The following ZC2HC1B variants were observed in gnomAD, a reference collection of about 807,000 sequenced individuals.
The protein encoded by ZC2HC1B is zinc finger C2HC domain-containing protein 1B.
ZC2HC1B carries 36 observed loss-of-function variants against 31.0 expected under a neutral mutation model. The ratio of observed to expected loss-of-function variants is 1.16; its 90% confidence interval spans 0.89 to 1.54. The LOEUF (loss-of-function observed/expected upper bound fraction) is 1.54. Ranked by LOEUF, ZC2HC1B falls within the 40% of genes most tolerant of loss-of-function variation. ZC2HC1B has a pLI of 0.00. For missense variants in ZC2HC1B, 260 were observed against 268.6 expected (o/e 0.97, Z 0.22); for synonymous variants, 73 against 88.0 (o/e 0.83, Z 0.95).
Position 143,871,570 on chromosome 6 carries a change from ACT to A in ZC2HC1B, c.28+7007_28+7008del, listed in dbSNP as rs1329967197. Among the ~76,000 whole-genome samples, 7 of 152,066 alleles carry A rather than the reference ACT, an allele frequency of 4.6e-5. No homozygotes were observed. The highest frequency in any genetic ancestry group is 2.1e-4 in the South Asian group (1 of 4,824). ...CACTTGGTTAAGCTTATGATAATCC[ACT>A]CTCATTCTTCCAGATCCATCTGTCT... On this transcript the variant is annotated intron_variant, in intron 1 of 7. Coordinates refer to ENST00000237275, the MANE Select transcript of ZC2HC1B (RefSeq NM_001013623.3). The surrounding 1 kb of genome is among the most constrained non-coding windows in gnomAD (Gnocchi z 4.1).
rs1408987882 is a variant in ZC2HC1B, at chr6:143,883,255, T to C, written c.29-1049T>C. On this transcript the variant is annotated intron_variant, in intron 1 of 7. Transcript: ENST00000237275. The surrounding 1 kb of genome is among the most constrained non-coding windows in gnomAD (Gnocchi z 4.1). ...AATCTCCCTATGTTGCCCAAGCTGG[T>C]CTCGAATCCTTAGGCTCAAGCAATC... Among the ~76,000 whole-genome samples the C allele has an allele frequency of 2.0e-5, 3 of 152,142 alleles. No homozygotes were observed. The East Asian group carries it at 5.8e-4, about 29-fold the overall frequency.
At position 143,883,965 on chromosome 6, in the gene ZC2HC1B, A is replaced by T. The variant is rs1301668042; in HGVS notation, c.29-339A>T. Among the ~76,000 whole-genome samples, 2 of 152,334 alleles carry T rather than the reference A, an allele frequency of 1.3e-5. No homozygotes were observed. Among genetic ancestry groups the T allele is most frequent in the Non-Finnish European group, 2.9e-5 (2 of 68,038 alleles). ...CAAAGATGTTACCACTGGTGGTAAA[A>T]ATACCACCTTATACTAAGGTATTTT... On this transcript the variant is annotated intron_variant, in intron 1 of 7. Coordinates refer to ENST00000237275, the MANE Select transcript of ZC2HC1B (RefSeq NM_001013623.3). This position sits in a 1 kb window ranked among gnomAD's most constrained non-coding sequence, Gnocchi z 4.1.
intron 7 of ZC2HC1B, 107 bp downstream of exon 7, chr6:143,937,840 A>C: frequency 1.3e-6 from 1 of 744,106 alleles, no homozygotes; most frequent in Non-Finnish European, 2.1e-6. Context: ...GACAAACTCC[A>C]AGTTGGGTTA....
At position 143,905,492 on chromosome 6, in the gene ZC2HC1B, G is replaced by A. The variant is rs1016390792; in HGVS notation, c.598+2340G>A. Among the ~76,000 whole-genome samples, 1 of 152,104 alleles carries A rather than the reference G, an allele frequency of 6.6e-6. No homozygotes were observed. Among genetic ancestry groups the A allele is most frequent in the South Asian group, 2.1e-4 (1 of 4,830 alleles). ...AGGATTTTCTGCTTATAAGATCATA[G>A]CATCTGTGAACAGAGATAATTTTAC... On this transcript the variant is annotated intron_variant, in intron 6 of 7. Transcript: ENST00000237275. The surrounding 1 kb of genome is among the most constrained non-coding windows in gnomAD (Gnocchi z 4.2).
chr6:143,898,807 G>A (rs1582962554), intron 5 of ZC2HC1B, 116 bp downstream of exon 5: 2 of 1,324,986 alleles, frequency 1.5e-6, no homozygotes, highest in African/African-American at 3.0e-5. Context: ...CGTGAAGAGA[G>A]CTGATCATGA....
Position 143,883,072 on chromosome 6 carries a change from C to T in ZC2HC1B, c.29-1232C>T, listed in dbSNP as rs555307601. Among the ~76,000 whole-genome samples the T allele has an allele frequency of 2.0e-5, 3 of 152,276 alleles. No homozygotes were observed. The highest frequency in any genetic ancestry group is 2.0e-4 in the Admixed American group (3 of 15,294). On this transcript the variant is annotated intron_variant, in intron 1 of 7. Coordinates refer to ENST00000237275, the MANE Select transcript of ZC2HC1B (RefSeq NM_001013623.3). This position sits in a 1 kb window ranked among gnomAD's most constrained non-coding sequence, Gnocchi z 4.1. ...TGTAAGTGGGGGAGACAGGATCTTG[C>T]TCTGTCTCCCAGGCTGGAGTGCAGT... is the stretch of plus-strand genomic sequence containing the variant.
rs1777253720 is a variant in ZC2HC1B, at chr6:143,865,874, A to G, written c.28+1307A>G. Among the ~76,000 whole-genome samples, 1 of 152,120 alleles carries G rather than the reference A, an allele frequency of 6.6e-6. No individual in the cohort carries two copies. The highest frequency in any genetic ancestry group is 6.5e-5 in the Admixed American group (1 of 15,274). On this transcript the variant is annotated intron_variant, in intron 1 of 7. Coordinates refer to ENST00000237275, the MANE Select transcript of ZC2HC1B (RefSeq NM_001013623.3). The surrounding 1 kb of genome is among the most constrained non-coding windows in gnomAD (Gnocchi z 4.4). Reference sequence around the variant, plus strand: ...TCTGGCGCCCGAGCTGGAGCGCAGTAGTGCGATCTCATCTCACTGCAACCT... The same window carrying G: ...TCTGGCGCCCGAGCTGGAGCGCAGTGGTGCGATCTCATCTCACTGCAACCT...
chr6:143,926,322 C>T (rs2128497397), intron 6 of ZC2HC1B, among the ~76,000 whole-genome samples: 1 of 152,284 alleles, frequency 6.6e-6, no homozygotes, highest in South Asian at 2.1e-4. Flanking sequence ...TGTTGTGTTT[C>T]CATTCTCATT....
chr6:143,883,781 A>G lies in ZC2HC1B; in HGVS notation c.29-523A>G, dbSNP rs551529041. Among the ~76,000 whole-genome samples, 4 of 152,276 alleles carry G rather than the reference A, an allele frequency of 2.6e-5. No homozygotes were observed. Among genetic ancestry groups the G allele is most frequent in the East Asian group, 1.9e-4 (1 of 5,178 alleles). ...ACAGAATTGCATATAGCCAATATCT[A>G]TTTATCGAATGAATGTTTCTATGTT... is the stretch of plus-strand genomic sequence containing the variant. On this transcript the variant is annotated intron_variant, in intron 1 of 7. Coordinates refer to ENST00000237275, the MANE Select transcript of ZC2HC1B (RefSeq NM_001013623.3). The surrounding 1 kb of genome is among the most constrained non-coding windows in gnomAD (Gnocchi z 4.1).
intron 6 of ZC2HC1B, among the ~76,000 whole-genome samples, chr6:143,925,265 T>C (rs1447091204): frequency 7.3e-6 from 1 of 137,534 alleles, no homozygotes; most frequent in Non-Finnish European, 1.5e-5. Flanking sequence ...AAGCTCCGCC[T>C]CCCGGGTTCA....
chr6:143,903,219 G>A lies in ZC2HC1B; in HGVS notation c.598+67G>A. Reference sequence around the variant, plus strand: ...CAGAGGAGATCACTGTTGGGTTTGGGATTCACTGGTAGTCTGCAAAAGCTC... The same window carrying A: ...CAGAGGAGATCACTGTTGGGTTTGGAATTCACTGGTAGTCTGCAAAAGCTC... On this transcript the variant is annotated intron_variant, in intron 6 of 7. Coordinates refer to ENST00000237275, the MANE Select transcript of ZC2HC1B (RefSeq NM_001013623.3). This position sits in a 1 kb window ranked among gnomAD's most constrained non-coding sequence, Gnocchi z 4.3. 1 of 1,379,454 alleles carries A rather than the reference G, an allele frequency of 7.2e-7. No individual in the cohort carries two copies. The highest frequency in any genetic ancestry group is 2.0e-5 in the Admixed American group (1 of 50,632). 85.5% of individuals were successfully genotyped at this position (1,379,454 alleles called of 1,614,324 possible). A position where few individuals can be genotyped will look rare whatever the true frequency, so the allele number is the denominator to read the frequency against.
rs550320983 is a variant in ZC2HC1B, at chr6:143,872,070, C to T, written c.28+7503C>T. Among the ~76,000 whole-genome samples the T allele has an allele frequency of 6.6e-6, 1 of 152,232 alleles. No homozygotes were observed. The highest frequency in any genetic ancestry group is 1.9e-4 in the East Asian group (1 of 5,182). On this transcript the variant is annotated intron_variant, in intron 1 of 7. Transcript: ENST00000237275. The surrounding 1 kb of genome is among the most constrained non-coding windows in gnomAD (Gnocchi z 5.5). ...CGAAATGTCTGATCATTTCCTTTTTCCCCAATGCATAGTTACCCTGGTACA... is the reference window on the plus strand; with the variant it reads ...CGAAATGTCTGATCATTTCCTTTTTTCCCAATGCATAGTTACCCTGGTACA...
chr6:143,926,828 C>CTTTTTT (rs774028763), intron 6 of ZC2HC1B, among the ~76,000 whole-genome samples: 4 of 78,834 alleles, frequency 5.1e-5, no homozygotes, highest in Non-Finnish European at 1.0e-4. Flanking sequence ...ATTGTATCTT[C>CTTTTTT]TTTTTTTTTT....
At chr6:143,904,773 A>C (rs1777775312) in intron 6 of ZC2HC1B, among the ~76,000 whole-genome samples, 1 of 152,112 alleles carries the variant, frequency 6.6e-6, no homozygotes. Flanking sequence ...ATTTTGAGTT[A>C]ATTTTTAATA....
rs1165072558 is a variant in ZC2HC1B at position 143,885,812 on chromosome 6, A to G, written c.91-220A>G. On this transcript the variant is annotated intron_variant, in intron 2 of 7. Coordinates refer to ENST00000237275, the MANE Select transcript of ZC2HC1B (RefSeq NM_001013623.3). This position sits in a 1 kb window ranked among gnomAD's most constrained non-coding sequence, Gnocchi z 4.2. Reference sequence around the variant, plus strand: ...CAAATTTGAAGTAAGTCTTTTAGCTATAAAGGCATTTTATTGTCTTTGCTC... The same window carrying G: ...CAAATTTGAAGTAAGTCTTTTAGCTGTAAAGGCATTTTATTGTCTTTGCTC... 6.6e-6 allele frequency among the ~76,000 whole-genome samples: 1 copy of G among 152,236 alleles called. No homozygotes were observed. Among genetic ancestry groups the G allele is most frequent in the Non-Finnish European group, 1.5e-5 (1 of 68,040 alleles).
At chr6:143,901,353 G>A (rs1301120981) in intron 5 of ZC2HC1B, among the ~76,000 whole-genome samples, 2 of 133,532 alleles carry the variant, frequency 1.5e-5, no homozygotes, top group East Asian at 2.5e-4. Context: ...TCCGCCTCCC[G>A]GGTTCAAGCG....
Position 143,917,523 on chromosome 6 carries a change from C to T in ZC2HC1B, c.598+14371C>T, listed in dbSNP as rs1381873012. Reference sequence around the variant, plus strand: ...TATTCCAGCTTATCTTCATAACATACAATAACTGCTCCTTCAGCAATGTCT... The same window carrying T: ...TATTCCAGCTTATCTTCATAACATATAATAACTGCTCCTTCAGCAATGTCT... On this transcript the variant is annotated intron_variant, in intron 6 of 7. Coordinates refer to ENST00000237275, the MANE Select transcript of ZC2HC1B (RefSeq NM_001013623.3). This position sits in a 1 kb window ranked among gnomAD's most constrained non-coding sequence, Gnocchi z 4.1. Among the ~76,000 whole-genome samples the T allele has an allele frequency of 6.6e-6, 1 of 152,186 alleles. No homozygotes were observed. Among genetic ancestry groups the T allele is most frequent in the Non-Finnish European group, 1.5e-5 (1 of 68,028 alleles).
rs1436845571 is a variant in ZC2HC1B, at chr6:143,884,750, T to C, written c.90+385T>C. 2.0e-5 allele frequency among the ~76,000 whole-genome samples: 3 copies of C among 152,182 alleles called. No individual in the cohort carries two copies. Among genetic ancestry groups the C allele is most frequent in the Non-Finnish European group, 4.4e-5 (3 of 68,030 alleles). On this transcript the variant is annotated intron_variant, in intron 2 of 7. Coordinates refer to ENST00000237275, the MANE Select transcript of ZC2HC1B (RefSeq NM_001013623.3). This position sits in a 1 kb window ranked among gnomAD's most constrained non-coding sequence, Gnocchi z 5.1. The stretch of plus-strand genomic sequence containing the variant: ...AATTTTAGACATCTGGAAACCTGGC[T>C]TTTAGCCTCAAATTTGTCACTAATC...
Position 143,899,186 on chromosome 6 carries a change from G to A in ZC2HC1B, c.489+495G>A, listed in dbSNP as rs1777706076. Among the ~76,000 whole-genome samples, 1 of 152,166 alleles carries A rather than the reference G, an allele frequency of 6.6e-6. No homozygotes were observed. The highest frequency in any genetic ancestry group is 1.5e-5 in the Non-Finnish European group (1 of 68,028). On this transcript the variant is annotated intron_variant, in intron 5 of 7. Transcript: ENST00000237275. This position sits in a 1 kb window ranked among gnomAD's most constrained non-coding sequence, Gnocchi z 5.0. Reference sequence around the variant, plus strand: ...ATGGAAGCAGCTGTTAACATTAGGTGCAAATCAGTAAAATAACAACCTGAA... The same window carrying A: ...ATGGAAGCAGCTGTTAACATTAGGTACAAATCAGTAAAATAACAACCTGAA...
Sources: allele counts gnomAD v4.1 joint callset (sites outside exome capture counted in the v4.1 genomes callset), GRCh38; gene constraint gnomAD v4.1.1; non-coding constraint Gnocchi (gnomAD v3.1); transcripts MANE v1.5; gene names NCBI Gene and HGNC (gene_info 2026-07-23, HGNC 2026-07-21).